The following RAP1GDS1 variants were observed in gnomAD, a reference collection of about 807,000 sequenced individuals.
RAP1GDS1 encodes the protein Rap1 GTPase-GDP dissociation stimulator 1.
A neutral mutation model predicts 71.1 loss-of-function variants in RAP1GDS1; 35 were observed. That is an observed-to-expected ratio of 0.49 (90% CI 0.38 to 0.65). RAP1GDS1 has a LOEUF of 0.65. Ranked by LOEUF, RAP1GDS1 falls within the 30% of genes least tolerant of loss-of-function variation. The pLI is 0.00. For synonymous variants in RAP1GDS1, 229 were observed against 243.1 expected, an observed-to-expected ratio of 0.94 and a Z score of 0.54; for missense variants, 663 against 706.1, an observed-to-expected ratio of 0.94 and a Z score of 0.69.
At chr4:98,318,620 T>G (rs1731299041) in intron 2 of RAP1GDS1, among the ~76,000 whole-genome samples, 1 of 152,174 alleles carries the variant, frequency 6.6e-6, no homozygotes, top group Admixed American at 6.5e-5. Flanking sequence ...CTATTGACCT[T>G]CTGGGGATAT....
chr4:98,429,151 T>C (rs1320068314), intron 12 of RAP1GDS1, among the ~76,000 whole-genome samples: 1 of 150,802 alleles, frequency 6.6e-6, no homozygotes, highest in South Asian at 2.1e-4. Flanking sequence ...CCAGCTACGC[T>C]GGAGGCTTAG....
At chr4:98,291,862 G>A (rs1726987782) in intron 1 of RAP1GDS1, among the ~76,000 whole-genome samples, 1 of 152,118 alleles carries the variant, frequency 6.6e-6, no homozygotes, top group African/African-American at 2.4e-5. Flanking sequence ...TCTGGAAAAT[G>A]GAAGCTTTCA....
intron 4 of RAP1GDS1, among the ~76,000 whole-genome samples, chr4:98,358,957 C>T (rs1738335377): frequency 6.6e-6 from 1 of 151,668 alleles, no homozygotes. Context: ...TAAAACCTCA[C>T]CTATCCAGAA....
At chr4:98,278,852 A>G (rs554047709) in intron 1 of RAP1GDS1, among the ~76,000 whole-genome samples, 2 of 152,190 alleles carry the variant, frequency 1.3e-5, no homozygotes, top group South Asian at 2.1e-4. Context: ...TTCTTTCCTT[A>G]TTTTTGGCCT....
chr4:98,409,999 G>A (rs1229083579), intron 7 of RAP1GDS1, among the ~76,000 whole-genome samples: 1 of 152,104 alleles, frequency 6.6e-6, no homozygotes, highest in Non-Finnish European at 1.5e-5. Flanking sequence ...GGCTAGCCTG[G>A]TGGCTCATGA....
At chr4:98,261,792 G>C (rs1016921976) in intron 1 of RAP1GDS1, among the ~76,000 whole-genome samples, 1 of 151,726 alleles carries the variant, frequency 6.6e-6, no homozygotes, top group African/African-American at 2.4e-5. Flanking sequence ...GCCGCGGGCC[G>C]GACCGCCGCC....
chr4:98,380,308 G>C (rs1264373834), intron 5 of RAP1GDS1, among the ~76,000 whole-genome samples: 1 of 151,728 alleles, frequency 6.6e-6, no homozygotes, highest in Non-Finnish European at 1.5e-5. Flanking sequence ...GGAGAAAGCT[G>C]AAATGTCTAG....
chr4:98,440,726 G>GT (rs938617995), intron 14 of RAP1GDS1, among the ~76,000 whole-genome samples: 3 of 151,966 alleles, frequency 2.0e-5, no homozygotes, highest in Admixed American at 6.6e-5. Context: ...TAAGAGTTTT[G>GT]TTTTTTTTGA....
intron 2 of RAP1GDS1, among the ~76,000 whole-genome samples, chr4:98,324,801 C>A (rs1300352792): frequency 1.3e-5 from 2 of 150,768 alleles, no homozygotes; most frequent in Admixed American, 6.6e-5. Context: ...AACGTTAGAC[C>A]TAAAACCATA....
chr4:98,340,112 TAGCTTGGCCATTTTAC>T (rs1401114886), intron 2 of RAP1GDS1, among the ~76,000 whole-genome samples: 2 of 152,110 alleles, frequency 1.3e-5, no homozygotes, highest in Non-Finnish European at 2.9e-5. Flanking sequence ...TTGTGGAAAT[TAGCTTGGCCATTTTAC>T]AAAGAACTTA....
intron 3 of RAP1GDS1, among the ~76,000 whole-genome samples, chr4:98,345,806 C>T (rs79823473): frequency 0.012 from 1,768 of 152,258 alleles, 32 homozygotes; most frequent in African/African-American, 0.039. Flanking sequence ...GTTTGTTTCT[C>T]TCCTTTCATT....
At chr4:98,428,595 C>T (rs1749951025) in intron 12 of RAP1GDS1, among the ~76,000 whole-genome samples, 1 of 152,088 alleles carries the variant, frequency 6.6e-6, no homozygotes, top group Non-Finnish European at 1.5e-5. Flanking sequence ...TGAAAAAATG[C>T]TCAGCATCAC....
At chr4:98,302,158 A>G (rs1728662942) in intron 2 of RAP1GDS1, among the ~76,000 whole-genome samples, 1 of 152,204 alleles carries the variant, frequency 6.6e-6, no homozygotes, top group Non-Finnish European at 1.5e-5. Flanking sequence ...CATCTAAGCC[A>G]TCTGTGTTGC....
chr4:98,267,364 A>G (rs897605712), intron 1 of RAP1GDS1, among the ~76,000 whole-genome samples: 2 of 152,110 alleles, frequency 1.3e-5, no homozygotes, highest in African/African-American at 4.8e-5. Context: ...TGTTTTTTAC[A>G]TGGGCATGTT....
At chr4:98,418,604 G>A (rs952967924) in intron 9 of RAP1GDS1, 53 bp from the exon 10 acceptor site, 95 of 1,482,282 alleles carry the variant, frequency 6.4e-5, no homozygotes, top group Non-Finnish European at 8.6e-5. Flanking sequence ...GTATTATAAA[G>A]TATTTATAGA....
intron 2 of RAP1GDS1, among the ~76,000 whole-genome samples, chr4:98,317,025 G>A (rs1731041270): frequency 6.6e-6 from 1 of 152,126 alleles, no homozygotes; most frequent in Non-Finnish European, 1.5e-5. Flanking sequence ...GGGAGATTGT[G>A]ATCCATTTTG....
At chr4:98,366,349 C>T (rs1739485935) in intron 4 of RAP1GDS1, among the ~76,000 whole-genome samples, 2 of 152,176 alleles carry the variant, frequency 1.3e-5, no homozygotes, top group Admixed American at 6.5e-5. Context: ...GATTGTGAGG[C>T]TTTCCCAACC....
At chr4:98,399,688 A>G (rs1318905481) in intron 6 of RAP1GDS1, among the ~76,000 whole-genome samples, 2 of 152,234 alleles carry the variant, frequency 1.3e-5, no homozygotes, top group Non-Finnish European at 2.9e-5. Flanking sequence ...AATGTTCAGT[A>G]TCACTAATCT....
chr4:98,268,565 G>A (rs1174111594), intron 1 of RAP1GDS1, among the ~76,000 whole-genome samples: 2 of 151,644 alleles, frequency 1.3e-5, no homozygotes, highest in African/African-American at 4.8e-5. Flanking sequence ...AAGCCTTAAA[G>A]ACTCCTTGAA....
Sources: gnomAD v4.1 joint callset for allele counts (sites outside exome capture counted in the v4.1 genomes callset) on GRCh38, gnomAD v4.1.1 for gene constraint, MANE v1.5 for transcripts, NCBI Gene and HGNC (gene_info 2026-07-23, HGNC 2026-07-21) for gene names.